SFMBT2: variants seen among roughly 807,000 people sequenced by gnomAD.
The protein encoded by SFMBT2 is Scm like with four mbt domains 2, also known as scm-like with four MBT domains protein 2.
Under a neutral mutation model 110.1 loss-of-function variants are expected in SFMBT2, and 38 were observed. The ratio of observed to expected loss-of-function variants is 0.35; its 90% CI spans 0.27 to 0.45. The LOEUF (loss-of-function observed/expected upper bound fraction) is 0.45, where lower values mean the gene tolerates loss of function less well. Ranked by LOEUF, SFMBT2 falls within the 20% of genes least tolerant of loss-of-function variation. SFMBT2 has a pLI of 1.00. For missense variants in SFMBT2, 1,011 were observed against 1,094.9 expected (o/e 0.92, Z 1.08); for synonymous variants, 425 against 425.4 (o/e 1.00, Z 0.01).
intron 4 of SFMBT2, among the ~76,000 whole-genome samples, chr10:7,319,746 C>CAGAG (rs148675672): frequency 1.3e-4 from 19 of 143,434 alleles, no homozygotes; most frequent in Non-Finnish European, 2.5e-4. Context: ...GATAGAGAGA[C>CAGAG]AGAGAGAGAG....
intron 16 of SFMBT2, among the ~76,000 whole-genome samples, chr10:7,183,283 T>C (rs1049841624): frequency 5.3e-5 from 8 of 152,106 alleles, no homozygotes; most frequent in Non-Finnish European, 1.5e-5. Context: ...TCTGCATCAC[T>C]CAGGTTGCAG....
intron 15 of SFMBT2, among the ~76,000 whole-genome samples, chr10:7,191,061 C>CT (rs1838585660): frequency 6.7e-6 from 1 of 150,280 alleles, no homozygotes; most frequent in Non-Finnish European, 1.5e-5. Flanking sequence ...ATTGTGAGGC[C>CT]TCCCCAGCCA....
chr10:7,252,127 G>A (rs909413082), intron 7 of SFMBT2, among the ~76,000 whole-genome samples: 8 of 152,066 alleles, frequency 5.3e-5, no homozygotes, highest in African/African-American at 1.7e-4. Flanking sequence ...GACCTTGACC[G>A]CTGACTTGGA....
At chr10:7,176,534 T>C in intron 16 of SFMBT2, 1 of 985,196 alleles carries the variant, frequency 1.0e-6, no homozygotes, top group Non-Finnish European at 1.2e-6. Context: ...GTTGCTATCA[T>C]ATTTCATTTT....
At chr10:7,251,793 C>A (rs953945316) in intron 7 of SFMBT2, among the ~76,000 whole-genome samples, 4 of 152,228 alleles carry the variant, frequency 2.6e-5, no homozygotes, top group African/African-American at 9.6e-5. Flanking sequence ...GTGCAGGACC[C>A]CTTTCCTCCT....
intron 4 of SFMBT2, among the ~76,000 whole-genome samples, chr10:7,341,561 C>T (rs1843904573): frequency 6.6e-6 from 1 of 152,110 alleles, no homozygotes; most frequent in African/African-American, 2.4e-5. Context: ...TTAACTTCCC[C>T]TAGAAGGGTA....
chr10:7,178,721 A>C (rs953701537), intron 16 of SFMBT2, among the ~76,000 whole-genome samples: 23 of 152,214 alleles, frequency 1.5e-4, no homozygotes, highest in African/African-American at 5.5e-4. Context: ...TGGCAACCAG[A>C]GCTACAAAAA....
chr10:7,228,722 TC>T (rs1839993634), intron 9 of SFMBT2, among the ~76,000 whole-genome samples: 3 of 123,842 alleles, frequency 2.4e-5, no homozygotes, highest in Non-Finnish European at 4.9e-5. Context: ...TTTCTTTCTT[TC>T]TTTCTTTCTT....
chr10:7,291,091 G>T (rs1214000729), intron 4 of SFMBT2, among the ~76,000 whole-genome samples: 1 of 152,146 alleles, frequency 6.6e-6, no homozygotes, highest in African/African-American at 2.4e-5. Context: ...CCCATGCTGG[G>T]GTCAGGAGGA....
rs1053304074 is a variant in SFMBT2 at position 7,248,566 on chromosome 10, A to G, written c.954T>C (p.Ser318=). ...AACCCACCTTAGTCACCGACGCAGG[A>G]GAGATGTAAAAGGGCTCGCACATAT... ...TVNMCEPFYI[S]PASVTKVFNN... Residue 318 remains serine (S), a synonymous_variant, in exon 8 of 21, where the codon TCT becomes TCC. Transcript: ENST00000397167. 3 of 1,614,020 alleles carry G rather than the reference A, an allele frequency of 1.9e-6. No individual in the cohort carries two copies. Among genetic ancestry groups the G allele is most frequent in the African/African-American group, 1.3e-5 (1 of 74,924 alleles).
chr10:7,258,829 T>A (rs1272046411), intron 7 of SFMBT2, among the ~76,000 whole-genome samples: 2 of 152,224 alleles, frequency 1.3e-5, no homozygotes, highest in Non-Finnish European at 2.9e-5. Context: ...AATAGTATTA[T>A]GACATTTCAA....
chr10:7,286,826 C>G (rs991305877), intron 4 of SFMBT2, among the ~76,000 whole-genome samples: 1 of 152,108 alleles, frequency 6.6e-6, no homozygotes, highest in Non-Finnish European at 1.5e-5. Flanking sequence ...ACACTCCAAG[C>G]GCACAGCACT....
chr10:7,176,257 T>C, intron 16 of SFMBT2, 92 bp from the exon 17 acceptor site: 1 of 1,325,748 alleles, frequency 7.5e-7, no homozygotes, highest in South Asian at 1.3e-5. Context: ...AGCAACTTCA[T>C]TTTCCAATGA....
intron 9 of SFMBT2, among the ~76,000 whole-genome samples, chr10:7,243,354 A>C (rs1840497741): frequency 6.6e-6 from 1 of 152,200 alleles, no homozygotes; most frequent in African/African-American, 2.4e-5. Context: ...TGTGGACAGA[A>C]GTGAGAAGCC....
intron 2 of SFMBT2, 112 bp downstream of exon 2, chr10:7,381,687 C>A (rs1845426146): frequency 2.6e-6 from 3 of 1,175,192 alleles, no homozygotes; most frequent in African/African-American, 3.1e-5. Flanking sequence ...ATCCCAGGAA[C>A]CAGACAGTAT....
At chr10:7,378,799 C>G in intron 2 of SFMBT2, among the ~76,000 whole-genome samples, 1 of 134,092 alleles carries the variant, frequency 7.5e-6, no homozygotes, top group African/African-American at 2.8e-5. Context: ...GTGTGTGTGG[C>G]TGTGGGGTGG....
intron 4 of SFMBT2, among the ~76,000 whole-genome samples, chr10:7,306,740 G>GAA (rs113763179): frequency 1.1e-4 from 14 of 132,778 alleles, no homozygotes; most frequent in Admixed American, 1.5e-4. Context: ...AGAAAAGGGG[G>GAA]GAAAAAAAAG....
intron 4 of SFMBT2, among the ~76,000 whole-genome samples, chr10:7,343,940 T>C (rs1017151661): frequency 6.6e-6 from 1 of 152,214 alleles, no homozygotes; most frequent in East Asian, 1.9e-4. Context: ...TTAGATGAGA[T>C]GAGAAGAGAA....
chr10:7,226,436 T>G (rs1207688984), intron 10 of SFMBT2, among the ~76,000 whole-genome samples: 2 of 152,252 alleles, frequency 1.3e-5, no homozygotes, highest in African/African-American at 4.8e-5. Flanking sequence ...GTTTTTCATA[T>G]TGTTATGTCT....
Sources: gnomAD v4.1 joint callset for allele counts (sites outside exome capture counted in the v4.1 genomes callset) on GRCh38, gnomAD v4.1.1 for gene constraint, MANE v1.5 for transcripts, NCBI Gene and HGNC (gene_info 2026-07-23, HGNC 2026-07-21) for gene names.